PUDP: variants seen among roughly 807,000 people sequenced by gnomAD.
PUDP encodes the protein pseudouridine 5'-phosphatase.
In PUDP, 8 loss-of-function variants were observed where a neutral mutation model predicts 9.4. The observed-to-expected ratio is 0.85, with a 90% CI of 0.50 to 1.53. PUDP has a LOEUF of 1.53. PUDP is among the 40% of genes most tolerant of loss of function. The pLI is 0.00. For synonymous variants in PUDP, 99 were observed against 80.7 expected (o/e 1.23, Z -1.22); for missense variants, 188 against 189.7 (o/e 0.99, Z 0.05).
At chrX:7,094,195 A>G (rs146830351) in intron 2 of PUDP, among the ~76,000 whole-genome samples, 1 of 111,394 alleles carries the variant, frequency 9.0e-6, no homozygotes, top group African/African-American at 3.3e-5. Context: ...CAGTGAGGTA[A>G]TATCTAGGAT....
At chrX:6,964,247 T>C (rs2146789462) in intron 3 of PUDP, among the ~76,000 whole-genome samples, 1 of 112,522 alleles carries the variant, frequency 8.9e-6, no homozygotes, top group Non-Finnish European at 1.9e-5. Flanking sequence ...CTGGAAAATG[T>C]ACAGGAAATG....
intron 3 of PUDP, among the ~76,000 whole-genome samples, chrX:6,768,736 G>C (rs1444736932): frequency 8.9e-6 from 1 of 112,152 alleles, no homozygotes; most frequent in Non-Finnish European, 1.9e-5. Context: ...TCTGATTTCT[G>C]TCATTGTTTG....
chrX:6,725,884 G>T (rs1344509708), upstream of PUDP, among the ~76,000 whole-genome samples: 2 of 111,476 alleles, frequency 1.8e-5, no homozygotes, highest in South Asian at 7.5e-4. Flanking sequence ...AAAATAGAAC[G>T]ACCATTCGAT....
intron 3 of PUDP, among the ~76,000 whole-genome samples, chrX:6,788,319 G>T: frequency 8.9e-6 from 1 of 112,154 alleles, no homozygotes; most frequent in East Asian, 2.8e-4. Flanking sequence ...GGTCAGCTAG[G>T]CTGAGCAATG....
At chrX:6,882,993 A>T (rs761813766) in intron 3 of PUDP, among the ~76,000 whole-genome samples, 2 of 111,622 alleles carry the variant, frequency 1.8e-5, no homozygotes, top group South Asian at 7.5e-4. Flanking sequence ...GACTGTGGAC[A>T]CTGAATTCCC....
chrX:6,724,501 CAAAAAAAA>C (rs1170392595), upstream of PUDP, among the ~76,000 whole-genome samples: 2 of 45,472 alleles, frequency 4.4e-5, no homozygotes, highest in African/African-American at 8.6e-5. Flanking sequence ...ATTCTCTCTC[CAAAAAAAA>C]AAAAAAAAAA....
At chrX:7,052,151 G>T (rs1930119944) in intron 3 of PUDP, among the ~76,000 whole-genome samples, 1 of 109,841 alleles carries the variant, frequency 9.1e-6, no homozygotes, top group Admixed American at 9.7e-5. Context: ...TCATGCCTCA[G>T]CCTCCCAAGC....
chrX:6,731,907 A>G (rs774949858), intron 3 of PUDP, among the ~76,000 whole-genome samples: 1 of 111,836 alleles, frequency 8.9e-6, no homozygotes, highest in Admixed American at 9.5e-5. Context: ...AGATAATGTT[A>G]AATGCAGGAG....
chrX:6,932,905 C>A (rs927856017), intron 3 of PUDP, among the ~76,000 whole-genome samples: 5 of 110,401 alleles, frequency 4.5e-5, no homozygotes, highest in Non-Finnish European at 9.5e-5. Flanking sequence ...AAGGCGGCAA[C>A]GAGGCTGGGG....
At chrX:6,770,473 G>C (rs192541909) in intron 3 of PUDP, among the ~76,000 whole-genome samples, 141 of 112,059 alleles carry the variant, frequency 1.3e-3, no homozygotes, top group African/African-American at 4.5e-3. Context: ...CAGAAGCCTT[G>C]GTTTTTTTGT....
At chrX:7,053,417 CCCA>C (rs1044251280) in intron 3 of PUDP, among the ~76,000 whole-genome samples, 4 of 111,533 alleles carry the variant, frequency 3.6e-5, no homozygotes, top group Non-Finnish European at 5.7e-5. Context: ...TCCCAGAATC[CCCA>C]CGTGTTGTGG....
chrX:7,069,250 G>GC (rs1017157102), intron 3 of PUDP, among the ~76,000 whole-genome samples: 1 of 111,228 alleles, frequency 9.0e-6, no homozygotes, highest in Non-Finnish European at 1.9e-5. Context: ...AGGATGAAAT[G>GC]CCCCCCGAGG....
At chrX:6,910,333 T>C (rs1006372569) in intron 3 of PUDP, among the ~76,000 whole-genome samples, 2 of 112,031 alleles carry the variant, frequency 1.8e-5, no homozygotes, top group Non-Finnish European at 3.8e-5. Context: ...GCCCTGTTCA[T>C]CAGACACTAT....
At chrX:7,093,711 C>T (rs1337652731) in intron 2 of PUDP, among the ~76,000 whole-genome samples, 1 of 111,993 alleles carries the variant, frequency 8.9e-6, no homozygotes, top group African/African-American at 3.3e-5. Context: ...CTCATTTCCT[C>T]TCCTTTGAAT....
intron 3 of PUDP, among the ~76,000 whole-genome samples, chrX:7,072,640 C>T (rs1342266900): frequency 1.8e-5 from 2 of 108,587 alleles, no homozygotes; most frequent in African/African-American, 3.4e-5. Context: ...ATGGTGAAAC[C>T]CCATCTCTAC....
chrX:7,137,528 C>T (rs1932763019), intron 1 of PUDP, among the ~76,000 whole-genome samples: 1 of 111,890 alleles, frequency 8.9e-6, no homozygotes, highest in Non-Finnish European at 1.9e-5. Context: ...GCCTGGGCGA[C>T]AGTGCGAGAT....
chrX:6,871,590 C>T (rs112278257), intron 3 of PUDP, among the ~76,000 whole-genome samples: 2 of 111,574 alleles, frequency 1.8e-5, no homozygotes, highest in Non-Finnish European at 3.8e-5. Flanking sequence ...AACCAAGGTA[C>T]CAACTCAGGG....
intron 1 of PUDP, among the ~76,000 whole-genome samples, chrX:7,106,861 C>T (rs899598322): frequency 9.0e-6 from 1 of 111,617 alleles, no homozygotes; most frequent in Non-Finnish European, 1.9e-5. Flanking sequence ...AAAAGAAATA[C>T]TTCAACACAG....
Position 7,039,070 on chromosome X carries a change from C to A in PUDP, c.204+38150G>T, listed in dbSNP as rs186189466. Among the ~76,000 whole-genome samples the A allele has an allele frequency of 6.8e-3, 759 of 110,912 alleles. 4 individuals are homozygous for A. The highest frequency in any genetic ancestry group is 9.6e-3 in the Non-Finnish European group (506 of 52,940). On this transcript the variant is annotated intron_variant and NMD_transcript_variant, in intron 1 of 3. Coordinates refer to the PUDP transcript ENST00000655425. Reference sequence around the variant, plus strand: ...TCAGCCTCCTGAGTAGCTGGGACTACAGGTGTTTGCCACCATGCCCCGCTA... The same window carrying A: ...TCAGCCTCCTGAGTAGCTGGGACTAAAGGTGTTTGCCACCATGCCCCGCTA...
Sources: allele counts gnomAD v4.1 joint callset (sites outside exome capture counted in the v4.1 genomes callset), GRCh38; gene constraint gnomAD v4.1.1; transcripts MANE v1.5; gene names NCBI Gene and HGNC (gene_info 2026-07-23, HGNC 2026-07-21).